P2RY12: variants seen among roughly 807,000 people sequenced by gnomAD.
The protein encoded by P2RY12 is P2Y purinoceptor 12.
Under a neutral mutation model 4.5 loss-of-function variants are expected in P2RY12, and 3 were observed. The ratio of observed to expected loss-of-function variants is 0.67; its 90% CI spans 0.31 to 1.74. The LOEUF is 1.74. Among genes scored for constraint, P2RY12 ranks in the 40% most tolerant of loss-of-function variants. The pLI, the probability that P2RY12 is intolerant of heterozygous loss-of-function variation, is 0.09. For synonymous variants in P2RY12, 148 were observed against 154.1 expected (o/e 0.96, Z 0.29); for missense variants, 356 against 407.8 (o/e 0.87, Z 1.09).
chr3:151,377,898 T>C, intron 1 of P2RY12: 1 of 1,045,020 alleles, frequency 9.6e-7, no homozygotes, highest in Non-Finnish European at 1.3e-6. Context: ...AAGGGAAATT[T>C]TAGAACAGTC....
chr3:151,358,478 C>T lies in P2RY12; in HGVS notation c.-179-17718G>A, dbSNP rs187970680. ...CTTTCGAACTGGAAGCTTATTCATG[C>T]TGTTTAATCTATGTTCTACTTTTAA... is the stretch of plus-strand genomic sequence containing the variant. On this transcript the variant is annotated intron_variant, in intron 1 of 2. Transcript: ENST00000302632. Among the ~76,000 whole-genome samples, 14 of 152,212 alleles carry T rather than the reference C, an allele frequency of 9.2e-5. No individual in the cohort carries two copies. The East Asian group carries it at 2.7e-3, about 29-fold the overall frequency.
intron 1 of P2RY12, among the ~76,000 whole-genome samples, chr3:151,369,043 G>A (rs1270823733): frequency 6.6e-6 from 1 of 152,110 alleles, no homozygotes; most frequent in African/African-American, 2.4e-5. Context: ...TTACAGGCGT[G>A]AGCCACCGCA....
intron 1 of P2RY12, among the ~76,000 whole-genome samples, chr3:151,381,292 C>A (rs1712294069): frequency 6.6e-6 from 1 of 152,094 alleles, no homozygotes; most frequent in Non-Finnish European, 1.5e-5. Flanking sequence ...TCATTTCTCA[C>A]CTTTTGGGTA....
At chr3:151,377,275 T>C (rs1419482737) in intron 1 of P2RY12, 1 of 927,850 alleles carries the variant, frequency 1.1e-6, no homozygotes, top group African/African-American at 1.7e-5. Context: ...GTCATAGGAA[T>C]GTGAAGAACA....
rs374228645 is a variant in P2RY12 at position 151,355,387 on chromosome 3, C to G, written c.-179-14627G>C. On this transcript the variant is annotated intron_variant, in intron 1 of 2. Transcript: ENST00000302632. ...AAGTATCTCAGACTATTGAGTAGTTCTTTTAAGTGTCAGGTTGCCTTCCTC... is the reference window on the plus strand; with the variant it reads ...AAGTATCTCAGACTATTGAGTAGTTGTTTTAAGTGTCAGGTTGCCTTCCTC... 2.5e-4 allele frequency: 140 copies of G among 560,094 alleles called. No individual in the cohort carries two copies. The South Asian group carries it at 2.6e-3, about 10-fold the overall frequency. The allele number at this position is 560,094 out of a possible 1,614,324, so 34.7% of individuals were successfully genotyped here.
At chr3:151,368,600 AT>A (rs773822835) in intron 1 of P2RY12, among the ~76,000 whole-genome samples, 2 of 61,954 alleles carry the variant, frequency 3.2e-5, no homozygotes, top group African/African-American at 1.4e-4. Context: ...ATTTTATTTT[AT>A]TTTATTTTAT....
intron 1 of P2RY12, among the ~76,000 whole-genome samples, chr3:151,380,682 C>T (rs1712132298): frequency 6.6e-6 from 1 of 151,742 alleles, no homozygotes; most frequent in Admixed American, 6.6e-5. Context: ...ATTCTTCTAC[C>T]TGGCATTGTA....
chr3:151,372,825 TACTTAC>T (rs1560093346), intron 1 of P2RY12: 1 of 1,355,054 alleles, frequency 7.4e-7, no homozygotes, highest in Non-Finnish European at 1.0e-6. Context: ...TGGAGAGAGC[TACTTAC>T]ACTTATAGGA....
At chr3:151,377,884 A>G in intron 1 of P2RY12, 1 of 902,870 alleles carries the variant, frequency 1.1e-6, no homozygotes, top group Non-Finnish European at 1.6e-6. Flanking sequence ...TAATACAGAA[A>G]TAAAAGGGAA....
rs758372678 is a variant in P2RY12, at chr3:151,365,839, T to G, written c.-180+18853A>C. Reference sequence around the variant, plus strand: ...CAAGGTTACTTTCTGTGTCTTCTTTTTCTTTTCTAGGATTAACGACATAGC... The same window carrying G: ...CAAGGTTACTTTCTGTGTCTTCTTTGTCTTTTCTAGGATTAACGACATAGC... On this transcript the variant is annotated intron_variant, in intron 1 of 2. Transcript: ENST00000302632. 11 of 1,601,686 alleles carry G rather than the reference T, an allele frequency of 6.9e-6. 1 individual carries two copies. The South Asian group carries it at 1.2e-4, about 18-fold the overall frequency.
intron 1 of P2RY12, among the ~76,000 whole-genome samples, chr3:151,358,943 CTTTTA>C (rs1223320416): frequency 6.6e-6 from 1 of 152,082 alleles, no homozygotes; most frequent in Admixed American, 6.6e-5. Context: ...TTTTGTTTAA[CTTTTA>C]TTTTAGAACA....
chr3:151,368,363 C>A, intron 1 of P2RY12: 1 of 847,546 alleles, frequency 1.2e-6, no homozygotes, highest in Non-Finnish European at 1.9e-6. Context: ...TTTGGGCATG[C>A]CCTGGGGGTG....
At chr3:151,357,331 G>A in intron 1 of P2RY12, 9 of 1,613,724 alleles carry the variant, frequency 5.6e-6, no homozygotes, top group Non-Finnish European at 7.6e-6. Flanking sequence ...CGCTATCACA[G>A]TTGTCTAATC....
At chr3:151,349,868 T>TTTA (rs1390639914) in intron 1 of P2RY12, among the ~76,000 whole-genome samples, 1 of 151,376 alleles carries the variant, frequency 6.6e-6, no homozygotes, top group African/African-American at 2.4e-5. Context: ...TTTTTTTTTT[T>TTTA]ATAATGTTAG....
At chr3:151,357,144 AT>A in intron 1 of P2RY12, 1 of 1,345,044 alleles carries the variant, frequency 7.4e-7, no homozygotes, top group Non-Finnish European at 1.0e-6. Context: ...TCTATGGTTT[AT>A]AAAAATAAAT....
At position 151,337,671 on chromosome 3, in the gene P2RY12, T is replaced by C. The variant is rs1323294413; in HGVS notation, c.*146A>G. The C allele has an allele frequency of 7.7e-6, 6 of 779,756 alleles. No individual in the cohort carries two copies. In the Admixed American group the frequency reaches 1.7e-4, roughly 22 times the overall value. 48.3% of individuals were successfully genotyped at this position (779,756 alleles called of 1,614,324 possible). A position where few individuals can be genotyped will look rare whatever the true frequency, so the allele number is the denominator to read the frequency against. On this transcript the variant is annotated 3_prime_UTR_variant, in exon 3 of 3. Transcript: ENST00000302632. ...TAGCTTTTCATACTGGAAAGGTAAA[T>C]GAAAATTGCTTTTGTAATCTTCTGT... is the stretch of plus-strand genomic sequence containing the variant.
intron 1 of P2RY12, among the ~76,000 whole-genome samples, chr3:151,350,870 G>T (rs139175969): frequency 1.7e-3 from 256 of 152,164 alleles, no homozygotes; most frequent in Non-Finnish European, 2.6e-3. Context: ...TGCATAATTG[G>T]AATTTTGTAA....
At chr3:151,381,612 T>G (rs1198409630) in intron 1 of P2RY12, among the ~76,000 whole-genome samples, 2 of 152,210 alleles carry the variant, frequency 1.3e-5, no homozygotes, top group Non-Finnish European at 2.9e-5. Flanking sequence ...AGTTCTCTGT[T>G]AAGATGTTAC....
chr3:151,344,457 T>A (rs1470637028), intron 1 of P2RY12, among the ~76,000 whole-genome samples: 1 of 152,180 alleles, frequency 6.6e-6, no homozygotes, highest in East Asian at 1.9e-4. Context: ...TATTGAAAGA[T>A]ACAGCTGAAA....
Sources: allele counts gnomAD v4.1 joint callset (sites outside exome capture counted in the v4.1 genomes callset), GRCh38; gene constraint gnomAD v4.1.1; transcripts MANE v1.5; gene names NCBI Gene and HGNC (gene_info 2026-07-23, HGNC 2026-07-21).